The following WWC2 variants were observed in gnomAD, a reference collection of about 807,000 sequenced individuals.
WWC2 encodes protein WWC2.
Under a neutral mutation model 138.5 loss-of-function variants are expected in WWC2, and 101 were observed. That is an observed-to-expected ratio of 0.73 (90% confidence interval 0.62 to 0.86). The LOEUF (loss-of-function observed/expected upper bound fraction) is 0.86, where lower values mean the gene tolerates loss of function less well. Ranked by LOEUF, WWC2 falls within the 40% of genes least tolerant of loss-of-function variation. The pLI, the probability that WWC2 is intolerant of heterozygous loss-of-function variation, is 0.00. For synonymous variants in WWC2, 558 were observed against 538.4 expected (o/e 1.04, Z -0.50); for missense variants, 1,420 against 1,419.4 (o/e 1.00, Z -0.01).
chr4:183,248,616 C>A, intron 6 of WWC2, 98 bp from the exon 7 acceptor site: 3 of 1,264,912 alleles, frequency 2.4e-6, no homozygotes, highest in Non-Finnish European at 2.1e-6. Flanking sequence ...TTGTTTTTTT[C>A]CATTGAGATT....
intron 4 of WWC2, among the ~76,000 whole-genome samples, chr4:183,220,645 T>C (rs189883030): frequency 4.8e-4 from 72 of 151,546 alleles, no homozygotes; most frequent in Middle Eastern, 3.4e-3. Context: ...CCATCCTGGC[T>C]AACACAGTGA....
At chr4:183,130,285 C>G (rs1042409752) in intron 1 of WWC2, among the ~76,000 whole-genome samples, 1 of 152,152 alleles carries the variant, frequency 6.6e-6, no homozygotes, top group African/African-American at 2.4e-5. Context: ...ATCTCCTGAC[C>G]TCATGATCTA....
At chr4:183,276,387 C>T (rs548493109) in intron 16 of WWC2, among the ~76,000 whole-genome samples, 217 of 151,824 alleles carry the variant, frequency 1.4e-3, no homozygotes, top group Non-Finnish European at 2.4e-3. Context: ...CATCTTTATT[C>T]TTTTTCTTCC....
chr4:183,314,675 G>A (rs969481759), intron 22 of WWC2, among the ~76,000 whole-genome samples: 2 of 152,144 alleles, frequency 1.3e-5, no homozygotes, highest in African/African-American at 2.4e-5. Context: ...TGCAGGTGCC[G>A]GCAACTACTT....
intron 16 of WWC2, among the ~76,000 whole-genome samples, chr4:183,272,128 G>T: frequency 6.6e-6 from 1 of 152,192 alleles, no homozygotes; most frequent in Non-Finnish European, 1.5e-5. Context: ...TATTGTTATT[G>T]AGTTCAAGTT....
chr4:183,203,678 CAGTT>C (rs367683514), intron 2 of WWC2: 2 of 129,618 alleles, frequency 1.5e-5, no homozygotes, highest in East Asian at 4.8e-4. Context: ...TTTATTGAGT[CAGTT>C]AGGCTGTGCC....
rs1334537603 is a variant in WWC2, at chr4:183,317,814, T to G, written c.*2085T>G. On this transcript the variant is annotated 3_prime_UTR_variant, in exon 23 of 23. Coordinates refer to ENST00000403733, the MANE Select transcript of WWC2 (RefSeq NM_024949.6). ...AATACAAAAAGTTTCAGACAAGTAT[T>G]AAAGAATAAAATCTGTCTCAGGCTG... The G allele has an allele frequency of 6.6e-6, 1 of 152,146 alleles. No individual in the cohort carries two copies. Among genetic ancestry groups the G allele is most frequent in the Non-Finnish European group, 1.5e-5 (1 of 67,996 alleles). 9.4% of individuals were successfully genotyped at this position (152,146 alleles called of 1,614,324 possible).
intron 1 of WWC2, among the ~76,000 whole-genome samples, chr4:183,113,358 A>G (rs1296675028): frequency 6.6e-6 from 1 of 151,756 alleles, no homozygotes; most frequent in African/African-American, 2.4e-5. Flanking sequence ...CAAAAACCAC[A>G]ATTACTTTTG....
chr4:183,287,239 A>C (rs1738289197), intron 20 of WWC2, among the ~76,000 whole-genome samples: 1 of 152,234 alleles, frequency 6.6e-6, no homozygotes, highest in African/African-American at 2.4e-5. Flanking sequence ...TTGTTTTTCT[A>C]AAGGCAGATG....
At chr4:183,234,542 A>AT (rs1736355684) in intron 4 of WWC2, among the ~76,000 whole-genome samples, 1 of 151,890 alleles carries the variant, frequency 6.6e-6, no homozygotes, top group African/African-American at 2.4e-5. Flanking sequence ...CTTTCTTTTT[A>AT]CATGTATTAT....
chr4:183,133,686 G>A (rs904118086), intron 1 of WWC2, among the ~76,000 whole-genome samples: 2 of 152,008 alleles, frequency 1.3e-5, no homozygotes, highest in South Asian at 2.1e-4. Context: ...TAGTAGAGAC[G>A]GGGTTTCACC....
chr4:183,227,012 C>T (rs1013802759), intron 4 of WWC2, among the ~76,000 whole-genome samples: 1 of 151,968 alleles, frequency 6.6e-6, no homozygotes, highest in Non-Finnish European at 1.5e-5. Flanking sequence ...CTCATGGTGA[C>T]AGACCCCAGC....
At chr4:183,248,176 A>G (rs1736857834) in intron 6 of WWC2, among the ~76,000 whole-genome samples, 1 of 152,170 alleles carries the variant, frequency 6.6e-6, no homozygotes, top group Non-Finnish European at 1.5e-5. Flanking sequence ...GGCTTGTTCC[A>G]TGCCTGTGCC....
Position 183,293,271 on chromosome 4 carries a change from A to T in WWC2, c.3384+3636A>T, listed in dbSNP as rs376243028. ...CACCTGGCAGGTTTTTTAATATTAG[A>T]AAACAGTGAATTAAAAAAATACATG... On this transcript the variant is annotated intron_variant, in intron 21 of 22. Coordinates refer to ENST00000403733, the MANE Select transcript of WWC2 (RefSeq NM_024949.6). Among the ~76,000 whole-genome samples, 684 of 152,316 alleles carry T rather than the reference A, an allele frequency of 4.5e-3. 4 individuals carry two copies. Among genetic ancestry groups the T allele is most frequent in the African/African-American group, 0.016 (655 of 41,564 alleles).
intron 16 of WWC2, among the ~76,000 whole-genome samples, chr4:183,273,773 T>C (rs187007439): frequency 6.6e-6 from 1 of 152,330 alleles, no homozygotes; most frequent in Admixed American, 6.5e-5. Flanking sequence ...AAAAGTCCAG[T>C]TTATCCATTT....
intron 21 of WWC2, among the ~76,000 whole-genome samples, chr4:183,300,056 G>A (rs910388055): frequency 1.3e-5 from 2 of 152,186 alleles, no homozygotes; most frequent in Non-Finnish European, 2.9e-5. Context: ...TCAGGAAGCA[G>A]AGCAAGAAGC....
intron 4 of WWC2, among the ~76,000 whole-genome samples, chr4:183,218,195 A>AT (rs1450023987): frequency 6.6e-6 from 1 of 152,228 alleles, no homozygotes; most frequent in African/African-American, 2.4e-5. Flanking sequence ...CAGTATAAAA[A>AT]TGGGCAAGAG....
At position 183,152,744 on chromosome 4, in the gene WWC2, G is replaced by A. The variant is rs189423083; in HGVS notation, c.132-40855G>A. ...TAAATATACAAAAAATTAGCCAGGT[G>A]TGGTGGCGGGTGCCTGTAATCCCAG... On this transcript the variant is annotated intron_variant, in intron 1 of 22. Coordinates refer to ENST00000403733, the MANE Select transcript of WWC2 (RefSeq NM_024949.6). Among the ~76,000 whole-genome samples the A allele has an allele frequency of 3.3e-3, 500 of 151,314 alleles. 2 individuals carry two copies. Among genetic ancestry groups the A allele is most frequent in the Middle Eastern group, 6.9e-3 (2 of 290 alleles).
intron 1 of WWC2, among the ~76,000 whole-genome samples, chr4:183,110,199 A>C (rs950897153): frequency 6.6e-6 from 1 of 152,248 alleles, no homozygotes; most frequent in Admixed American, 6.5e-5. Context: ...TACATAGGAC[A>C]TGAGAAAAAC....
Sources: allele counts gnomAD v4.1 joint callset (sites outside exome capture counted in the v4.1 genomes callset), GRCh38; gene constraint gnomAD v4.1.1; transcripts MANE v1.5; gene names NCBI Gene and HGNC (gene_info 2026-07-23, HGNC 2026-07-21).